Variants in CAMTA1 observed in about 807,000 individuals in gnomAD.
CAMTA1 encodes calmodulin binding transcription activator 1, also known as calmodulin-binding transcription activator 1.
In CAMTA1, 27 loss-of-function variants were observed where a neutral mutation model predicts 170.9. The observed-to-expected ratio is 0.16, with a 90% CI of 0.12 to 0.22. The LOEUF is 0.22. Among genes scored for constraint, CAMTA1 ranks in the 10% least tolerant of loss-of-function variants. The probability of loss-of-function intolerance (pLI) is 1.00; values close to 1 mark genes in which losing one functional copy is unlikely to be tolerated. For synonymous variants in CAMTA1, 833 were observed against 891.5 expected, an observed-to-expected ratio of 0.93 and a Z score of 1.17; for missense variants, 1,619 against 2,217.2, an observed-to-expected ratio of 0.73 and a Z score of 5.42.
intron 3 of CAMTA1, among the ~76,000 whole-genome samples, chr1:6,990,805 C>CTA (rs138700231): frequency 0.018 from 2,547 of 141,590 alleles, 32 homozygotes; most frequent in Middle Eastern, 0.038. Context: ...CTCTCTCTCT[C>CTA]TATATATATA....
At chr1:6,807,135 G>C (rs1557592489) in intron 1 of CAMTA1, 1 of 506,166 alleles carries the variant, frequency 2.0e-6, no homozygotes, top group South Asian at 3.0e-5. Context: ...TGCAAGGTTG[G>C]GGGAGGCTTC....
At chr1:7,054,829 A>G (rs947165660) in intron 3 of CAMTA1, among the ~76,000 whole-genome samples, 2 of 152,220 alleles carry the variant, frequency 1.3e-5, no homozygotes, top group Admixed American at 6.5e-5. Context: ...CTGGTAATTT[A>G]TAAATACAAG....
At position 6,965,807 on chromosome 1, in the gene CAMTA1, T is replaced by C. The variant is rs1425871350; in HGVS notation, c.235-125497T>C. 6.6e-6 allele frequency among the ~76,000 whole-genome samples: 1 copy of C among 152,210 alleles called. No homozygotes were observed. The highest frequency in any genetic ancestry group is 1.5e-5 in the Non-Finnish European group (1 of 68,040). ...TGATGAGGTCTGGATGGAGCCTGAA[T>C]GCGGCATTAACTGCATATCAGAGAC... On this transcript the variant is annotated intron_variant, in intron 3 of 22. Transcript: ENST00000303635. This position sits in a 1 kb window ranked among gnomAD's most constrained non-coding sequence, Gnocchi z 4.1.
chr1:7,002,604 G>A (rs1337485797), intron 3 of CAMTA1, among the ~76,000 whole-genome samples: 1 of 152,232 alleles, frequency 6.6e-6, no homozygotes, highest in African/African-American at 2.4e-5. Context: ...GGCAAAGGCC[G>A]TGGCACATAC....
At chr1:7,357,771 C>T (rs1459849280) in intron 5 of CAMTA1, among the ~76,000 whole-genome samples, 5 of 152,196 alleles carry the variant, frequency 3.3e-5, no homozygotes, top group Non-Finnish European at 7.3e-5. Flanking sequence ...CTGGACCTTT[C>T]CATGGGGCCT....
At chr1:7,574,613 A>G (rs1409534710) in intron 6 of CAMTA1, among the ~76,000 whole-genome samples, 1 of 152,124 alleles carries the variant, frequency 6.6e-6, no homozygotes, top group East Asian at 1.9e-4. Flanking sequence ...TCCAGAGAAC[A>G]CGGGCTGTTT....
chr1:7,144,970 C>T lies in CAMTA1; in HGVS notation c.302+53599C>T, dbSNP rs1417652727. Among the ~76,000 whole-genome samples, 5 of 152,230 alleles carry T rather than the reference C, an allele frequency of 3.3e-5. No individual in the cohort carries two copies. The highest frequency in any genetic ancestry group is 1.9e-4 in the East Asian group (1 of 5,196). On this transcript the variant is annotated intron_variant, in intron 4 of 22. Transcript: ENST00000303635. This position sits in a 1 kb window ranked among gnomAD's most constrained non-coding sequence, Gnocchi z 4.0. ...CCGAGTAACCTCTCAAGCTCTGCAG[C>T]GGTTGGGAGGCTGAGCTGGCCTTGA...
intron 5 of CAMTA1, among the ~76,000 whole-genome samples, chr1:7,422,860 C>G (rs2091652397): frequency 6.6e-6 from 1 of 152,220 alleles, no homozygotes; most frequent in Non-Finnish European, 1.5e-5. Flanking sequence ...TCCATTGGCT[C>G]TTAGAGACTG....
chr1:6,901,229 A>G (rs983507853), intron 3 of CAMTA1, among the ~76,000 whole-genome samples: 8 of 152,256 alleles, frequency 5.3e-5, no homozygotes, highest in Non-Finnish European at 8.8e-5. Flanking sequence ...CCCATACTGT[A>G]TATAAAAATT....
intron 3 of CAMTA1, among the ~76,000 whole-genome samples, chr1:6,924,175 G>A (rs901869831): frequency 6.6e-6 from 1 of 152,248 alleles, no homozygotes; most frequent in Admixed American, 6.5e-5. Context: ...TCCCGGGACT[G>A]GGTGTGAATA....
intron 4 of CAMTA1, among the ~76,000 whole-genome samples, chr1:7,111,746 G>A (rs11120846): frequency 0.2 from 29,683 of 151,964 alleles, 3,024 homozygotes; most frequent in South Asian, 0.28. Context: ...TTAGCCAGGC[G>A]TGGTGGCACA....
intron 7 of CAMTA1, among the ~76,000 whole-genome samples, chr1:7,660,657 C>T (rs2095947683): frequency 6.6e-6 from 1 of 152,222 alleles, no homozygotes; most frequent in Non-Finnish European, 1.5e-5. Context: ...AGAACTGGGG[C>T]CAGTGCTGCG....
At chr1:7,218,918 T>G (rs990902880) in intron 4 of CAMTA1, among the ~76,000 whole-genome samples, 1 of 152,148 alleles carries the variant, frequency 6.6e-6, no homozygotes, top group African/African-American at 2.4e-5. Flanking sequence ...GAGGATGCGT[T>G]GGGAGATTTG....
At chr1:7,550,897 C>G (rs1296351730) in intron 6 of CAMTA1, among the ~76,000 whole-genome samples, 1 of 151,942 alleles carries the variant, frequency 6.6e-6, no homozygotes, top group African/African-American at 2.4e-5. Context: ...GGCCCAGCAG[C>G]AGCCCATAGA....
At chr1:7,390,831 C>T (rs150656477) in intron 5 of CAMTA1, among the ~76,000 whole-genome samples, 125 of 152,350 alleles carry the variant, frequency 8.2e-4, no homozygotes, top group East Asian at 2.5e-3. Flanking sequence ...GCCAGGGTGA[C>T]GTGACTCCAC....
intron 6 of CAMTA1, among the ~76,000 whole-genome samples, chr1:7,543,639 A>G (rs1296754925): frequency 6.6e-6 from 1 of 152,216 alleles, no homozygotes; most frequent in Non-Finnish European, 1.5e-5. Flanking sequence ...GTTGTTGGCT[A>G]AAGACTCATT....
At chr1:7,250,732 T>C (rs1666502698) in intron 5 of CAMTA1, among the ~76,000 whole-genome samples, 1 of 152,230 alleles carries the variant, frequency 6.6e-6, no homozygotes. Flanking sequence ...TTTTGTTTTA[T>C]GTTTTTTTTA....
intron 5 of CAMTA1, among the ~76,000 whole-genome samples, chr1:7,418,217 A>G (rs1471709904): frequency 6.6e-6 from 1 of 151,906 alleles, no homozygotes; most frequent in Non-Finnish European, 1.5e-5. Context: ...TGTTGTTGAG[A>G]TGGAGTCTTA....
At chr1:6,890,628 T>C (rs1196574898) in intron 3 of CAMTA1, among the ~76,000 whole-genome samples, 1 of 151,756 alleles carries the variant, frequency 6.6e-6, no homozygotes. Context: ...GGGAGTGCAG[T>C]GGTATGATCA....
Sources: allele counts gnomAD v4.1 joint callset (sites outside exome capture counted in the v4.1 genomes callset), GRCh38; gene constraint gnomAD v4.1.1; non-coding constraint Gnocchi (gnomAD v3.1); transcripts MANE v1.5; gene names NCBI Gene and HGNC (gene_info 2026-07-23, HGNC 2026-07-21).